The following PROB1 variants were observed in gnomAD, a reference collection of about 807,000 sequenced individuals.
The protein encoded by PROB1 is proline-rich basic protein 1.
For missense variants in PROB1, 1,453 were observed against 1,485.7 expected (o/e 0.98, Z 0.36); for synonymous variants, 660 against 699.3 (o/e 0.94, Z 0.89).
chr5:139,392,726 ATGAGCTGC>A lies in PROB1; in HGVS notation c.2348_2355del (p.Arg783LeufsTer124). The A allele has an allele frequency of 7.1e-7, 1 of 1,407,550 alleles. No homozygotes were observed. The highest frequency in any genetic ancestry group is 1.5e-5 in the African/African-American group (1 of 65,740). 87.2% of individuals were successfully genotyped at this position (1,407,550 alleles called of 1,614,324 possible). A position where few individuals can be genotyped will look rare whatever the true frequency, so the allele number is the denominator to read the frequency against. On this transcript the variant is annotated frameshift_variant, in exon 1 of 1. Coordinates refer to ENST00000434752, the MANE Select transcript of PROB1 (RefSeq NM_001161546.2). LOFTEE classifies it low-confidence loss of function (END_TRUNC). This position sits in a 1 kb window ranked among gnomAD's most constrained non-coding sequence, Gnocchi z 5.8. ...GCTGGCCCTACGGGGGAGCGCTGGG[ATGAGCTGC>A]GGGCGCCGCCTAGAGGGCTGGTCCG... is the stretch of plus-strand genomic sequence containing the variant.
At position 139,393,597 on chromosome 5, in the gene PROB1, G is replaced by C. The variant is rs1465575813; in HGVS notation, c.1485C>G (p.Ser495Arg). The C allele has an allele frequency of 6.4e-7, 1 of 1,550,786 alleles. No homozygotes were observed. Among genetic ancestry groups the C allele is most frequent in the Non-Finnish European group, 8.7e-7 (1 of 1,146,898 alleles). The change falls in exon 1 of 1, where the codon AGC becomes AGG. Residue 495 changes from serine (S) to arginine (R), a missense_variant. Ser to Arg is a moderately radical substitution (Grantham distance 110). Transcript: ENST00000434752. ...ACGGGAAGAAGGCCGGCGGGGACGGGCTGCTACGTGGCTCCACCGCATCCG... is the reference window on the plus strand; with the variant it reads ...ACGGGAAGAAGGCCGGCGGGGACGGCCTGCTACGTGGCTCCACCGCATCCG... ...AVADAVEPRS[S>R]PSPPAFFPWE...
At position 139,394,762 on chromosome 5, in the gene PROB1, G is replaced by A. The variant is rs1581396752; in HGVS notation, c.320C>T (p.Pro107Leu). ...GAAGATGACTTCCATCTCCCCCGAC[G>A]GCAGCGTGCGCAGCTGGGGCTGGGG... ...RPPQPQLRTL[P>L]SGEMEVIFGV... The change falls in exon 1 of 1, where the codon CCG (proline) becomes CTG (leucine). Residue 107 changes from proline (P) to leucine (L), a missense_variant. Physicochemically the swap from Pro to Leu is moderately conservative, Grantham distance 98. Transcript: ENST00000434752. 2.0e-6 allele frequency: 3 copies of A among 1,532,910 alleles called. No individual in the cohort carries two copies. The highest frequency in any genetic ancestry group is 1.2e-5 in the South Asian group (1 of 83,452). 95.0% of individuals were successfully genotyped at this position (1,532,910 alleles called of 1,614,324 possible). A position where few individuals can be genotyped will look rare whatever the true frequency, so the allele number is the denominator to read the frequency against.
chr5:139,394,606 T>G lies in PROB1; in HGVS notation c.476A>C (p.Gln159Pro). The change falls in exon 1 of 1, where the codon CAG (glutamine) becomes CCG (proline). Residue 159 changes from glutamine (Q) to proline (P), a missense_variant. Transcript: ENST00000434752. ...CCAGCGGGAGCCACCATCGGGGACC[T>G]GGGACTGGCGTGGGACCGCGGCGGG... is the stretch of plus-strand genomic sequence containing the variant. ...ASPAAVPRQSQVPDGGSRWAT... is the reference protein window; with the variant it reads ...ASPAAVPRQSPVPDGGSRWAT... 6.5e-7 allele frequency: 1 copy of G among 1,532,624 alleles called. No individual in the cohort carries two copies. Among genetic ancestry groups the G allele is most frequent in the East Asian group, 2.5e-5 (1 of 40,458 alleles). The allele number at this position is 1,532,624 out of a possible 1,614,324, so 94.9% of individuals were successfully genotyped here.
chr5:139,394,264 G>A lies in PROB1; in HGVS notation c.818C>T (p.Ser273Phe). The change falls in exon 1 of 1, where the codon TCC becomes TTC. Residue 273 changes from serine (S) to phenylalanine (F), a missense_variant. Ser to Phe is a radical substitution (Grantham distance 155). Transcript: ENST00000434752. ...APAPSSATFG[S>F]TGRSEPETRE... ...GGTCTCAGGTTCCGACCGCCCCGTG[G>A]ACCCGAAGGTGGCGCTGCTCGGGGC... is the stretch of plus-strand genomic sequence containing the variant. 6.5e-7 allele frequency: 1 copy of A among 1,544,600 alleles called. No homozygotes were observed. The highest frequency in any genetic ancestry group is 8.7e-7 in the Non-Finnish European group (1 of 1,143,556).
In PROB1 at chr5:139,393,862, G is replaced by A. The variant is rs1283309861; in HGVS notation, c.1220C>T (p.Pro407Leu). ...CAGGTTCTGGGGCGACGGGCAGCGA[G>A]GACCCCGTACAGCCCCATTTGGAGT... is the stretch of plus-strand genomic sequence containing the variant. ...RQTPNGAVRG[P>L]RCPSPQNLSP... The change falls in exon 1 of 1, where the codon CCT becomes CTT. Residue 407 changes from proline to leucine, a missense_variant. Transcript: ENST00000434752. 6.4e-7 allele frequency: 1 copy of A among 1,551,362 alleles called. No homozygotes were observed. The highest frequency in any genetic ancestry group is 2.0e-5 in the Admixed American group (1 of 51,012).
In PROB1 at chr5:139,392,808, T is replaced by C; in HGVS notation, c.2274A>G (p.Gly758=). 6.7e-7 allele frequency: 1 copy of C among 1,501,164 alleles called. No individual in the cohort carries two copies. Among genetic ancestry groups the C allele is most frequent in the Non-Finnish European group, 8.9e-7 (1 of 1,122,000 alleles). 93.0% of individuals were successfully genotyped at this position (1,501,164 alleles called of 1,614,324 possible). A position where few individuals can be genotyped will look rare whatever the true frequency, so the allele number is the denominator to read the frequency against. The change falls in exon 1 of 1, where the codon GGA becomes GGG. Residue 758 remains glycine (G), a synonymous_variant. Transcript: ENST00000434752. This position sits in a 1 kb window ranked among gnomAD's most constrained non-coding sequence, Gnocchi z 5.8. ...TSRVRARGPG[G]ENRDVEAQRL... ...GCTGGGCCTCTACATCCCTGTTCTC[T>C]CCTCCAGGGCCGCGCGCTCGCACTC...
rs1758614222 is a variant in PROB1, at chr5:139,392,472, C to T, written c.2610G>A (p.Ala870=). 5 of 1,390,466 alleles carry T rather than the reference C, an allele frequency of 3.6e-6. No homozygotes were observed. The highest frequency in any genetic ancestry group is 4.7e-6 in the Non-Finnish European group (5 of 1,075,254). 86.1% of individuals were successfully genotyped at this position (1,390,466 alleles called of 1,614,324 possible). ...DRSPQSPSQG[A]RRQPGAAPLG... is the part of the protein sequence containing the mutation. ...GGGGCGCGGCCCCGGGCTGCCTGCG[C>T]GCTCCCTGGGAGGGGCTTTGCGGGG... The change falls in exon 1 of 1, where the codon GCG becomes GCA. Residue 870 remains alanine (A), a synonymous_variant. Coordinates refer to ENST00000434752, the MANE Select transcript of PROB1 (RefSeq NM_001161546.2). This position sits in a 1 kb window ranked among gnomAD's most constrained non-coding sequence, Gnocchi z 5.8.
At position 139,391,714 on chromosome 5, in the gene PROB1, AT is replaced by A. The variant is rs1167786250; in HGVS notation, c.*319del. The stretch of plus-strand genomic sequence containing the variant: ...TCGGCTCCTGGGGACAAGCCCAGGG[AT>A]GCCTCACTTTCCCTATTTGCTTGCC... On this transcript the variant is annotated 3_prime_UTR_variant, in exon 1 of 1. Coordinates refer to ENST00000434752, the MANE Select transcript of PROB1 (RefSeq NM_001161546.2). The surrounding 1 kb of genome is among the most constrained non-coding windows in gnomAD (Gnocchi z 4.8). The A allele has an allele frequency of 4.0e-6, 1 of 249,756 alleles. No individual in the cohort carries two copies. Among genetic ancestry groups the A allele is most frequent in the Admixed American group, 5.6e-5 (1 of 17,884 alleles). The allele number at this position is 249,756 out of a possible 1,614,324, so 15.5% of individuals were successfully genotyped here.
Position 139,393,782 on chromosome 5 carries a change from A to C in PROB1, c.1300T>G (p.Ser434Ala). The C allele has an allele frequency of 6.4e-7, 1 of 1,551,336 alleles. No homozygotes were observed. Among genetic ancestry groups the C allele is most frequent in the Non-Finnish European group, 8.7e-7 (1 of 1,146,950 alleles). The change falls in exon 1 of 1, where the codon TCC becomes GCC. Residue 434 changes from serine (S) to alanine (A), a missense_variant. By Grantham distance (99) the Ser-to-Ala change is moderately conservative. Coordinates refer to ENST00000434752, the MANE Select transcript of PROB1 (RefSeq NM_001161546.2). Reference protein sequence around the residue: ...RVSSPLFPEASSEWENQNPAV... With the variant: ...RVSSPLFPEAASEWENQNPAV... ...GGATTTTGATTTTCCCACTCGGAGG[A>C]GGCTTCAGGGAACAATGGGCTACTC... is the stretch of plus-strand genomic sequence containing the variant.
In PROB1 at chr5:139,393,578, A is replaced by C. The variant is rs1758637823; in HGVS notation, c.1504T>G (p.Phe502Val). 5.2e-6 allele frequency: 8 copies of C among 1,551,012 alleles called. No individual in the cohort carries two copies. Among genetic ancestry groups the C allele is most frequent in the Non-Finnish European group, 7.0e-6 (8 of 1,146,904 alleles). The change falls in exon 1 of 1, where the codon TTC becomes GTC. Residue 502 changes from phenylalanine (F) to valine (V), a missense_variant. Coordinates refer to ENST00000434752, the MANE Select transcript of PROB1 (RefSeq NM_001161546.2). ...GGACGATCTGGAGCCTCCCACGGGA[A>C]GAAGGCCGGCGGGGACGGGCTGCTA... ...PRSSPSPPAFFPWEAPDRPIG... is the reference protein window; with the variant it reads ...PRSSPSPPAFVPWEAPDRPIG...
chr5:139,394,390 A>T lies in PROB1; in HGVS notation c.692T>A (p.Leu231His). Residue 231 changes from leucine to histidine, a missense_variant, in exon 1 of 1, where the codon CTC becomes CAC. Coordinates refer to ENST00000434752, the MANE Select transcript of PROB1 (RefSeq NM_001161546.2). ...CTCGTCCAGGGAACCGGTGCGCAGG[A>T]GCAGCCGGGGGCGCGGCGCGCCGGC... ...RAAGAPRPRL[L>H]LRTGSLDESL... The T allele has an allele frequency of 7.2e-7, 1 of 1,395,546 alleles. No homozygotes were observed. Among genetic ancestry groups the T allele is most frequent in the Non-Finnish European group, 9.2e-7 (1 of 1,083,230 alleles). 86.4% of individuals were successfully genotyped at this position (1,395,546 alleles called of 1,614,324 possible).
chr5:139,394,951 G>A lies in PROB1; in HGVS notation c.131C>T (p.Pro44Leu). The part of the protein sequence containing the change: ...YYTAPGSPEP[P>L]DVGPDAKGPA... ...GCCTTTCGCGTCCGGCCCAACGTCC[G>A]GGGGCTCCGGAGAACCTGGAGCCGT... The change falls in exon 1 of 1, where the codon CCG becomes CTG. Residue 44 changes from proline (P) to leucine (L), a missense_variant. Physicochemically the swap from Pro to Leu is moderately conservative, Grantham distance 98. Transcript: ENST00000434752. 6.6e-7 allele frequency: 1 copy of A among 1,519,904 alleles called. No individual in the cohort carries two copies. 94.2% of individuals were successfully genotyped at this position (1,519,904 alleles called of 1,614,324 possible).
chr5:139,394,612 T>C lies in PROB1; in HGVS notation c.470A>G (p.Gln157Arg). ...GPASPAAVPRQSQVPDGGSRW... is the reference protein window; with the variant it reads ...GPASPAAVPRRSQVPDGGSRW... ...GGAGCCACCATCGGGGACCTGGGAC[T>C]GGCGTGGGACCGCGGCGGGAGACGC... The change falls in exon 1 of 1, where the codon CAG becomes CGG. Residue 157 changes from glutamine to arginine, a missense_variant. Gln to Arg is a conservative substitution (Grantham distance 43). Coordinates refer to ENST00000434752, the MANE Select transcript of PROB1 (RefSeq NM_001161546.2). The C allele has an allele frequency of 1.3e-6, 2 of 1,533,096 alleles. No individual in the cohort carries two copies. The highest frequency in any genetic ancestry group is 1.7e-6 in the Non-Finnish European group (2 of 1,144,992). The allele number at this position is 1,533,096 out of a possible 1,614,324, so 95.0% of individuals were successfully genotyped here. A position where few individuals can be genotyped will look rare whatever the true frequency, so the allele number is the denominator to read the frequency against.
chr5:139,394,793 G>T lies in PROB1; in HGVS notation c.289C>A (p.Arg97=). The change falls in exon 1 of 1, where the codon CGG becomes AGG. Residue 97 remains arginine (R), a synonymous_variant. Transcript: ENST00000434752. ...GTGCGCAGCTGGGGCTGGGGTGGCC[G>T]TGGGCCGGAACCTGGGCCTCGCGGG... ...GFPRGPGSGP[R]PPQPQLRTLP... 1 of 1,528,220 alleles carries T rather than the reference G, an allele frequency of 6.5e-7. No individual in the cohort carries two copies. The highest frequency in any genetic ancestry group is 8.8e-7 in the Non-Finnish European group (1 of 1,138,370). The allele number at this position is 1,528,220 out of a possible 1,614,324, so 94.7% of individuals were successfully genotyped here.
Position 139,394,823 on chromosome 5 carries a change from C to A in PROB1, c.259G>T (p.Gly87Cys), listed in dbSNP as rs1187247414. The change falls in exon 1 of 1, where the codon GGT becomes TGT. Residue 87 changes from glycine (G) to cysteine (C), a missense_variant. Coordinates refer to ENST00000434752, the MANE Select transcript of PROB1 (RefSeq NM_001161546.2). ...CCGGAACCTGGGCCTCGCGGGAAAC[C>A]CGAGCCGGGCCCGTGCCGCTGGCGG... is the stretch of plus-strand genomic sequence containing the variant. ...NSRQRHGPGS[G>C]FPRGPGSGPR... The A allele has an allele frequency of 1.3e-6, 2 of 1,530,144 alleles. No homozygotes were observed. Among genetic ancestry groups the A allele is most frequent in the South Asian group, 1.2e-5 (1 of 82,578 alleles). 94.8% of individuals were successfully genotyped at this position (1,530,144 alleles called of 1,614,324 possible).
In PROB1 at chr5:139,392,771, CG is replaced by C; in HGVS notation, c.2310del (p.Asp771ThrfsTer9). On this transcript the variant is annotated frameshift_variant, in exon 1 of 1. Transcript: ENST00000434752. LOFTEE classifies it low-confidence loss of function (END_TRUNC). The surrounding 1 kb of genome is among the most constrained non-coding windows in gnomAD (Gnocchi z 5.8). ...AGAGGGCTGGTCCGACCGTCGCCGT[CG>C]GGGACCAGGCGCTGGGCCTCTACAT... ...NRDVEAQRLV[P>X]DGDGRTSPLG... The C allele has an allele frequency of 6.9e-7, 1 of 1,439,796 alleles. No homozygotes were observed. 89.2% of individuals were successfully genotyped at this position (1,439,796 alleles called of 1,614,324 possible).
In PROB1 at chr5:139,394,829, C is replaced by T. The variant is rs1758667427; in HGVS notation, c.253G>A (p.Gly85Ser). The T allele has an allele frequency of 1.3e-6, 2 of 1,530,566 alleles. No individual in the cohort carries two copies. Among genetic ancestry groups the T allele is most frequent in the Non-Finnish European group, 1.8e-6 (2 of 1,138,726 alleles). 94.8% of individuals were successfully genotyped at this position (1,530,566 alleles called of 1,614,324 possible). The change falls in exon 1 of 1, where the codon GGC (glycine) becomes AGC (serine). Residue 85 changes from glycine to serine, a missense_variant. Gly to Ser is a moderately conservative substitution (Grantham distance 56). Coordinates refer to ENST00000434752, the MANE Select transcript of PROB1 (RefSeq NM_001161546.2). Reference sequence around the variant, plus strand: ...CCTGGGCCTCGCGGGAAACCCGAGCCGGGCCCGTGCCGCTGGCGGCTATTC... The same window carrying T: ...CCTGGGCCTCGCGGGAAACCCGAGCTGGGCCCGTGCCGCTGGCGGCTATTC... The part of the protein sequence containing the change: ...AQNSRQRHGP[G>S]SGFPRGPGSG...
Position 139,394,207 on chromosome 5 carries a change from A to G in PROB1, c.875T>C (p.Leu292Pro). The change falls in exon 1 of 1, where the codon CTG (leucine) becomes CCG (proline). Residue 292 changes from leucine to proline, a missense_variant. By Grantham distance (98) the Leu-to-Pro change is moderately conservative. Coordinates refer to ENST00000434752, the MANE Select transcript of PROB1 (RefSeq NM_001161546.2). Reference sequence around the variant, plus strand: ...AAGTGGCCGAGACTTAGCCTTCTCCAGGACCACGTGGGTGCTGCGGGCCGT... The same window carrying G: ...AAGTGGCCGAGACTTAGCCTTCTCCGGGACCACGTGGGTGCTGCGGGCCGT... ...RETARSTHVV[L>P]EKAKSRPLRV... is the part of the protein sequence containing the mutation. 6.5e-7 allele frequency: 1 copy of G among 1,548,696 alleles called. No homozygotes were observed. Among genetic ancestry groups the G allele is most frequent in the South Asian group, 1.2e-5 (1 of 83,920 alleles).
chr5:139,394,443 G>A lies in PROB1; in HGVS notation c.639C>T (p.Arg213=), dbSNP rs1330754935. The A allele has an allele frequency of 1.4e-6, 2 of 1,397,012 alleles. No individual in the cohort carries two copies. The highest frequency in any genetic ancestry group is 2.9e-5 in the East Asian group (1 of 34,294). 86.5% of individuals were successfully genotyped at this position (1,397,012 alleles called of 1,614,324 possible). Reference sequence around the variant, plus strand: ...CCCTTGGGGGACTCTGGGGCCGGGGGCGCAGCTCGATCTGACGCTTGGGCA... The same window carrying A: ...CCCTTGGGGGACTCTGGGGCCGGGGACGCAGCTCGATCTGACGCTTGGGCA... The part of the protein sequence containing the change: ...RTVPKRQIEL[R]PRPQSPPRAA... Residue 213 remains arginine, a synonymous_variant, in exon 1 of 1, where the codon CGC becomes CGT. Transcript: ENST00000434752.
Sources: allele counts gnomAD v4.1 joint callset, GRCh38; gene constraint gnomAD v4.1.1; non-coding constraint Gnocchi (gnomAD v3.1); transcripts MANE v1.5; gene names NCBI Gene and HGNC (gene_info 2026-07-23, HGNC 2026-07-21).